MMD2: variants seen among roughly 807,000 people sequenced by gnomAD.
The protein encoded by MMD2 is monocyte to macrophage differentiation factor 2.
Under a neutral mutation model 33.5 loss-of-function variants are expected in MMD2, and 30 were observed. That is an observed-to-expected ratio of 0.90 (90% CI 0.67 to 1.22). The LOEUF (loss-of-function observed/expected upper bound fraction) is 1.22, where lower values mean the gene tolerates loss of function less well. Ranked by LOEUF, MMD2 falls within the 50% of genes most tolerant of loss-of-function variation. The probability of loss-of-function intolerance (pLI) is 0.00; values close to 1 mark genes in which losing one functional copy is unlikely to be tolerated. For synonymous variants in MMD2, 129 were observed against 123.0 expected (o/e 1.05, Z -0.32); for missense variants, 364 against 325.4 (o/e 1.12, Z -0.91).
At chr7:4,915,919 A>G (rs1278066586) in intron 4 of MMD2, 86 bp downstream of exon 4, 17 of 1,390,500 alleles carry the variant, frequency 1.2e-5, no homozygotes, top group Non-Finnish European at 1.5e-5. Context: ...CCAAGTCAAC[A>G]CATTACCCAG....
At chr7:4,911,303 C>T in intron 4 of MMD2, 57 bp from the exon 5 acceptor site, 1 of 1,395,352 alleles carries the variant, frequency 7.2e-7, no homozygotes, top group East Asian at 2.5e-5. Context: ...GGACCCCGGC[C>T]CTCGAGGACC....
chr7:4,955,289 A>G (rs944513562), intron 1 of MMD2, among the ~76,000 whole-genome samples: 1 of 152,234 alleles, frequency 6.6e-6, no homozygotes, highest in East Asian at 1.9e-4. Context: ...TTCTTGATGT[A>G]GAAAAGCCAT....
chr7:4,937,300 G>A (rs539281712), intron 1 of MMD2, among the ~76,000 whole-genome samples: 14 of 151,778 alleles, frequency 9.2e-5, no homozygotes, highest in African/African-American at 3.4e-4. Flanking sequence ...GAGAGGCTGA[G>A]GCAGGAGAAT....
intron 3 of MMD2, among the ~76,000 whole-genome samples, 193 bp downstream of exon 3, chr7:4,919,978 C>T (rs536153259): frequency 5.3e-5 from 8 of 152,332 alleles, no homozygotes; most frequent in Middle Eastern, 3.4e-3. Context: ...GAGACTCAAC[C>T]GCAGCCTGTT....
chr7:4,910,721 C>T lies in MMD2; in HGVS notation c.467+424G>A, dbSNP rs576472208. On this transcript the variant is annotated intron_variant, in intron 5 of 6. Coordinates refer to ENST00000401401, the MANE Select transcript of MMD2 (RefSeq NM_198403.4). ...TCAGCTTGCTGCAACCTCCACCACC[C>T]GGGTTCAAACCATTCTCCTGCCTCA... Among the ~76,000 whole-genome samples, 36 of 152,248 alleles carry T rather than the reference C, an allele frequency of 2.4e-4. No individual in the cohort carries two copies. In the East Asian group the frequency reaches 6.0e-3, roughly 25 times the overall value.
the MMD2 span, among the ~76,000 whole-genome samples, chr7:4,898,852 TCA>T: frequency 6.6e-6 from 1 of 151,660 alleles, no homozygotes; most frequent in African/African-American, 2.4e-5. Context: ...TGAGCCAAGA[TCA>T]CACTATCGCA....
the MMD2 span, among the ~76,000 whole-genome samples, chr7:4,900,960 T>C: frequency 6.6e-6 from 1 of 151,212 alleles, no homozygotes; most frequent in Admixed American, 6.6e-5. Flanking sequence ...ACCAACATAG[T>C]GAAACCCCAT....
At position 4,910,860 on chromosome 7, in the gene MMD2, C is replaced by G. The variant is rs191461429; in HGVS notation, c.467+285G>C. Among the ~76,000 whole-genome samples, 11 of 152,280 alleles carry G rather than the reference C, an allele frequency of 7.2e-5. No individual in the cohort carries two copies. The East Asian group carries it at 1.9e-3, about 27-fold the overall frequency. On this transcript the variant is annotated intron_variant, in intron 5 of 6. Coordinates refer to ENST00000401401, the MANE Select transcript of MMD2 (RefSeq NM_198403.4). ...GCCAGGCTGGTCTTGAACTCCTGAC[C>G]TCAAGTGATCTGCCTGCCTCGTGGA...
intron 1 of MMD2, among the ~76,000 whole-genome samples, chr7:4,957,471 AC>A (rs11290847): frequency 0.78 from 118,057 of 151,580 alleles, 46,527 homozygotes; most frequent in East Asian, 1. Flanking sequence ...ACGCGGTGAA[AC>A]CCCAGTCTCT....
chr7:4,956,796 C>A (rs534379220), intron 1 of MMD2, among the ~76,000 whole-genome samples: 1 of 152,280 alleles, frequency 6.6e-6, no homozygotes, highest in East Asian at 1.9e-4. Context: ...GACTTCAGAG[C>A]TCCTTCCCTT....
chr7:4,953,808 A>C (rs1015999152), intron 1 of MMD2, among the ~76,000 whole-genome samples: 1 of 152,122 alleles, frequency 6.6e-6, no homozygotes, highest in Non-Finnish European at 1.5e-5. Context: ...GTTTTATTGA[A>C]TTACTTTGGA....
chr7:4,927,673 C>T (rs942753870), intron 1 of MMD2, among the ~76,000 whole-genome samples: 3 of 152,172 alleles, frequency 2.0e-5, no homozygotes, highest in Non-Finnish European at 4.4e-5. Flanking sequence ...TGCCACTGCA[C>T]TCCAGCCTGG....
intron 3 of MMD2, 34 bp from the exon 4 acceptor site, chr7:4,916,113 C>T: frequency 6.2e-7 from 1 of 1,606,838 alleles, no homozygotes; most frequent in Admixed American, 1.7e-5. Flanking sequence ...GTCACAGCCC[C>T]TGCACAGCAG....
At chr7:4,936,291 A>C (rs1239713726) in intron 1 of MMD2, among the ~76,000 whole-genome samples, 2 of 152,172 alleles carry the variant, frequency 1.3e-5, no homozygotes, top group African/African-American at 4.8e-5. Flanking sequence ...TTATATACAC[A>C]ACATGATTTC....
chr7:4,896,986 A>T, the MMD2 span, among the ~76,000 whole-genome samples: 1 of 151,872 alleles, frequency 6.6e-6, no homozygotes, highest in Non-Finnish European at 1.5e-5. Context: ...CAGCCTCTGG[A>T]GTAGCTGGGA....
intron 1 of MMD2, among the ~76,000 whole-genome samples, chr7:4,953,542 C>T (rs539643813): frequency 6.0e-4 from 91 of 151,268 alleles, no homozygotes; most frequent in African/African-American, 2.2e-3. Flanking sequence ...AAGATCTTGG[C>T]TCACTGCAAC....
chr7:4,920,319 G>T lies in MMD2; in HGVS notation c.142C>A (p.Pro48Thr). 1 of 1,608,362 alleles carries T rather than the reference G, an allele frequency of 6.2e-7. No individual in the cohort carries two copies. The highest frequency in any genetic ancestry group is 8.5e-7 in the Non-Finnish European group (1 of 1,177,810). The change falls in exon 3 of 7, where the codon CCC becomes ACC. Residue 48 changes from proline (P) to threonine (T), a missense_variant. Transcript: ENST00000401401. ...NCATHAFWII[P>T]SILGSSNLYF... ...AGGTTGGAGCTGCCCAGGATGCTGG[G>T]GATGATCCAGAACTGGAGGGGCAGG...
chr7:4,930,053 A>C (rs1263645070), intron 1 of MMD2, among the ~76,000 whole-genome samples: 1 of 143,194 alleles, frequency 7.0e-6, no homozygotes, highest in Non-Finnish European at 1.5e-5. Context: ...GCATATTACA[A>C]GGTCAGGAGA....
Position 4,916,040 on chromosome 7 carries a change from G to T in MMD2, c.330C>A (p.Val110=). ...EHCLHMFDRM[V]IYFFIAASYA... The stretch of plus-strand genomic sequence containing the variant: ...AGGAAGCCGCTATGAAGAAATAGAT[G>T]ACCATCCGGTCGAACATGTGTAGAC... Residue 110 remains valine, a synonymous_variant, in exon 4 of 7, where the codon GTC becomes GTA. Coordinates refer to ENST00000401401, the MANE Select transcript of MMD2 (RefSeq NM_198403.4). The T allele has an allele frequency of 1.2e-6, 2 of 1,613,894 alleles. No homozygotes were observed. Among genetic ancestry groups the T allele is most frequent in the South Asian group, 2.2e-5 (2 of 91,056 alleles).
Sources: allele counts gnomAD v4.1 joint callset (sites outside exome capture counted in the v4.1 genomes callset), GRCh38; gene constraint gnomAD v4.1.1; transcripts MANE v1.5; gene names NCBI Gene and HGNC (gene_info 2026-07-23, HGNC 2026-07-21).